The following ATAT1 variants were observed in gnomAD, a reference collection of about 807,000 sequenced individuals.
ATAT1 encodes alpha tubulin acetyltransferase 1.
In ATAT1, 42 loss-of-function variants were observed where a neutral mutation model predicts 57.2. The ratio of observed to expected loss-of-function variants is 0.73; its 90% CI spans 0.57 to 0.95. The LOEUF is 0.95. Ranked by LOEUF, ATAT1 falls within the 40% of genes least tolerant of loss-of-function variation. The probability of loss-of-function intolerance (pLI) is 0.00; values close to 1 mark genes in which losing one functional copy is unlikely to be tolerated. For synonymous variants in ATAT1, 168 were observed against 187.1 expected (o/e 0.90, Z 0.83); for missense variants, 454 against 523.7 (o/e 0.87, Z 1.30).
Position 30,627,878 on chromosome 6 carries a change from C to T in ATAT1, c.252C>T (p.Phe84=). 2 of 1,613,042 alleles carry T rather than the reference C, an allele frequency of 1.2e-6. No individual in the cohort carries two copies. The highest frequency in any genetic ancestry group is 1.7e-6 in the Non-Finnish European group (2 of 1,180,014). The change falls in exon 4 of 13, where the codon TTC becomes TTT. Residue 84 remains phenylalanine (F), a synonymous_variant. Coordinates refer to ENST00000330083, the MANE Select transcript of ATAT1 (RefSeq NM_001031722.4). Reference sequence around the variant, plus strand: ...CTGGAAAAGGAGCCATTATTGGTTTCATCAAAGTTGGATACAAGAAGCTCT... The same window carrying T: ...CTGGAAAAGGAGCCATTATTGGTTTTATCAAAGTTGGATACAAGAAGCTCT...
chr6:30,642,503 C>G (rs1765668916), intron 9 of ATAT1, among the ~76,000 whole-genome samples: 1 of 152,010 alleles, frequency 6.6e-6, no homozygotes, highest in Admixed American at 6.6e-5. Context: ...ATTAGCTGGG[C>G]ACGGTGGCAC....
intron 8 of ATAT1, chr6:30,641,639 TTTA>T: frequency 2.5e-6 from 1 of 404,742 alleles, no homozygotes. Flanking sequence ...GATGCCCATA[TTTA>T]TTTTCTTTTT....
At chr6:30,644,901 A>C (rs921139823) in intron 10 of ATAT1, among the ~76,000 whole-genome samples, 3 of 149,864 alleles carry the variant, frequency 2.0e-5, no homozygotes, top group Admixed American at 2.0e-4. Context: ...TTCCGTATCT[A>C]CTCCCTCATT....
intron 10 of ATAT1, 116 bp downstream of exon 10, chr6:30,643,127 G>C: frequency 6.6e-7 from 1 of 1,512,028 alleles, no homozygotes; most frequent in Non-Finnish European, 8.8e-7. Context: ...TGGCTTGGGG[G>C]GGGTCCTGAA....
rs759858282 is a variant in ATAT1 at position 30,640,588 on chromosome 6, G to A, written c.601G>A (p.Asp201Asn). 1.6e-5 allele frequency: 25 copies of A among 1,612,774 alleles called. No homozygotes were observed. Among genetic ancestry groups the A allele is most frequent in the Admixed American group, 3.3e-5 (2 of 59,976 alleles). The stretch of plus-strand genomic sequence containing the variant: ...TCGACACTCTCGTGCTGCTGCAGTC[G>A]ATCCCACGCCCGCTGGTAAAGCCTG... Residue 201 changes from aspartate (D) to asparagine (N), a missense_variant, in exon 8 of 13, where the codon GAT becomes AAT. Transcript: ENST00000330083.
chr6:30,635,163 G>A (rs1763795589), intron 6 of ATAT1, among the ~76,000 whole-genome samples: 1 of 152,066 alleles, frequency 6.6e-6, no homozygotes, highest in Admixed American at 6.5e-5. Context: ...ATTTATTTAG[G>A]CCTATTTGAT....
chr6:30,637,391 GGCAAGGTCTT>G (rs1216215423), intron 6 of ATAT1, among the ~76,000 whole-genome samples: 1 of 149,772 alleles, frequency 6.7e-6, no homozygotes, highest in Non-Finnish European at 1.5e-5. Context: ...TTCTTTTTGA[GGCAAGGTCTT>G]GCTCTGTTGC....
chr6:30,642,833 G>GGGGGCCACCCCC lies in ATAT1; in HGVS notation c.754_755insGGGGCCACCCCC (p.Ala252delinsGlyGlyHisProPro). On this transcript the variant is annotated protein_altering_variant, in exon 10 of 13. Transcript: ENST00000330083. ...GGCCCCTCGCCGCGCCACACCTCCAGCCCACCCACCCCCCCGCTCCAGCAG... is the reference window on the plus strand; with the variant it reads ...GGCCCCTCGCCGCGCCACACCTCCAGGGGGCCACCCCCCCCACCCACCCCCCCGCTCCAGCAG... 1 of 1,537,878 alleles carries GGGGGCCACCCCC rather than the reference G, an allele frequency of 6.5e-7. No homozygotes were observed.
At chr6:30,640,139 CAA>C (rs34579562) in intron 6 of ATAT1, among the ~76,000 whole-genome samples, 12 of 124,778 alleles carry the variant, frequency 9.6e-5, no homozygotes, top group Admixed American at 2.4e-4. Context: ...CTCTGCCTCT[CAA>C]AAAAAAAAAA....
intron 10 of ATAT1, chr6:30,644,017 T>C: frequency 1.0e-6 from 1 of 996,238 alleles, no homozygotes; most frequent in Non-Finnish European, 1.2e-6. Flanking sequence ...TGCTTTGTGC[T>C]GCCTGCCACA....
chr6:30,641,116 T>TACACACACAC (rs869069153), intron 8 of ATAT1, among the ~76,000 whole-genome samples: 1 of 148,580 alleles, frequency 6.7e-6, no homozygotes, highest in Non-Finnish European at 1.5e-5. Context: ...TATACACACA[T>TACACACACAC]ACACACACAC....
rs771581919 is a variant in ATAT1, at chr6:30,640,574, G to T, written c.587G>T (p.Arg196Leu). ...TCTCTGAGGGCAACTCGACACTCTC[G>T]TGCTGCTGCAGTCGATCCCACGCCC... is the stretch of plus-strand genomic sequence containing the variant. The change falls in exon 8 of 13, where the codon CGT becomes CTT. Residue 196 changes from arginine (R) to leucine (L), a missense_variant. By Grantham distance (102) the Arg-to-Leu change is moderately radical. Around this residue, in one of 3 missense-constraint regions of ATAT1, gnomAD observed 236 missense variants for 284.5 expected, o/e 0.83. Coordinates refer to ENST00000330083, the MANE Select transcript of ATAT1 (RefSeq NM_001031722.4). The T allele has an allele frequency of 1.8e-5, 29 of 1,612,840 alleles. No homozygotes were observed. Among genetic ancestry groups the T allele is most frequent in the Non-Finnish European group, 2.5e-5 (29 of 1,180,028 alleles).
intron 8 of ATAT1, chr6:30,641,813 G>T: frequency 9.3e-7 from 1 of 1,076,710 alleles, no homozygotes; most frequent in Non-Finnish European, 1.1e-6. Flanking sequence ...TCGTTGGCCC[G>T]GCTGGGACCA....
intron 6 of ATAT1, among the ~76,000 whole-genome samples, chr6:30,633,232 C>G (rs1763298735): frequency 6.6e-6 from 1 of 152,136 alleles, no homozygotes; most frequent in Non-Finnish European, 1.5e-5. Context: ...GGGGGAAATA[C>G]TAGGAGTACA....
intron 6 of ATAT1, among the ~76,000 whole-genome samples, chr6:30,638,524 C>T (rs1261092488): frequency 1.3e-5 from 2 of 151,754 alleles, no homozygotes; most frequent in Non-Finnish European, 2.9e-5. Flanking sequence ...CCCGCCTTGG[C>T]CTCCCAAATT....
chr6:30,643,504 T>G, intron 10 of ATAT1: 1 of 1,550,110 alleles, frequency 6.5e-7, no homozygotes, highest in Non-Finnish European at 8.7e-7. Flanking sequence ...TCTCCCTTCC[T>G]CCCATCCATA....
chr6:30,632,779 A>G (rs1040212962), intron 6 of ATAT1, among the ~76,000 whole-genome samples: 4 of 150,904 alleles, frequency 2.7e-5, no homozygotes, highest in South Asian at 2.1e-4. Flanking sequence ...CTAAAAATAG[A>G]AAAAAAAATT....
chr6:30,646,242 A>ACAATT, intron 12 of ATAT1, 133 bp downstream of exon 12: 1 of 1,473,058 alleles, frequency 6.8e-7, no homozygotes, highest in Non-Finnish European at 9.0e-7. Flanking sequence ...AATTCCTTCT[A>ACAATT]CCTTACATCC....
At chr6:30,634,675 A>C (rs565147202) in intron 6 of ATAT1, among the ~76,000 whole-genome samples, 25 of 151,032 alleles carry the variant, frequency 1.7e-4, no homozygotes, top group Admixed American at 8.6e-4. Flanking sequence ...AAAAAAAAAA[A>C]AAAAAAAACC....
Sources: gnomAD v4.1 joint callset for allele counts (sites outside exome capture counted in the v4.1 genomes callset) on GRCh38, gnomAD v4.1.1 for gene constraint, gnomAD v4.1.1 regional missense constraint, MANE v1.5 for transcripts, NCBI Gene and HGNC (gene_info 2026-07-23, HGNC 2026-07-21) for gene names.